THAP2: variants seen among roughly 807,000 people sequenced by gnomAD.
THAP2 encodes the protein THAP domain-containing protein 2.
THAP2 carries 16 observed loss-of-function variants against 18.8 expected under a neutral mutation model. That is an observed-to-expected ratio of 0.85 (90% CI 0.58 to 1.29). The LOEUF is 1.29. Ranked by LOEUF, THAP2 falls within the 50% of genes most tolerant of loss-of-function variation. The pLI is 0.00. For missense variants in THAP2, 251 were observed against 265.3 expected (o/e 0.95, Z 0.38); for synonymous variants, 80 against 89.2 (o/e 0.90, Z 0.58).
intron 1 of THAP2, among the ~76,000 whole-genome samples, chr12:71,669,973 ACTC>A (rs1881407485): frequency 6.6e-6 from 1 of 150,638 alleles, no homozygotes; most frequent in African/African-American, 2.5e-5. Flanking sequence ...AAAAAAAAAA[ACTC>A]TATTTTCTTG....
In THAP2 at chr12:71,677,044, A is replaced by G; in HGVS notation, c.623A>G (p.Gln208Arg). The G allele has an allele frequency of 1.9e-6, 3 of 1,612,902 alleles. No individual in the cohort carries two copies. The highest frequency in any genetic ancestry group is 2.5e-6 in the Non-Finnish European group (3 of 1,179,348). The change falls in exon 3 of 3, where the codon CAA becomes CGA. Residue 208 changes from glutamine (Q) to arginine (R), a missense_variant. Gln to Arg is a conservative substitution (Grantham distance 43). Coordinates refer to ENST00000308086, the MANE Select transcript of THAP2 (RefSeq NM_031435.4). The part of the protein sequence containing the change: ...LPLEDFKILE[Q>R]DQQDKTLLSL... ...TTGGAAGATTTTAAGATCCTTGAAC[A>G]AGATCAACAAGATAAAACACTGCTA... is the stretch of plus-strand genomic sequence containing the variant.
rs989297748 is a variant in THAP2 at position 71,664,428 on chromosome 12, T to C, written c.-82T>C. 1.1e-5 allele frequency: 18 copies of C among 1,567,720 alleles called. No homozygotes were observed. The African/African-American group carries it at 1.4e-4, about 12-fold the overall frequency. Reference sequence around the variant, plus strand: ...CACGATTAAGGCACGCCTGCCTCGATTGTCCAGCCTCTGCCAGAAGAAAGC... The same window carrying C: ...CACGATTAAGGCACGCCTGCCTCGACTGTCCAGCCTCTGCCAGAAGAAAGC... On this transcript the variant is annotated 5_prime_UTR_variant, in exon 1 of 3. Transcript: ENST00000308086.
chr12:71,665,433 A>G (rs1312495015), intron 1 of THAP2: 1 of 155,456 alleles, frequency 6.4e-6, no homozygotes, highest in Non-Finnish European at 1.4e-5. Context: ...CTGCCACTTA[A>G]AAAAAATCTT....
intron 1 of THAP2, 145 bp downstream of exon 1, chr12:71,664,725 CA>C: frequency 1.1e-6 from 1 of 898,092 alleles, no homozygotes; most frequent in Non-Finnish European, 1.8e-6. Flanking sequence ...TTGTGTTTCT[CA>C]AATCTGCCCA....
intron 1 of THAP2, among the ~76,000 whole-genome samples, chr12:71,665,968 A>G (rs1345736981): frequency 6.6e-6 from 1 of 152,220 alleles, no homozygotes; most frequent in African/African-American, 2.4e-5. Flanking sequence ...TACAATGTCA[A>G]CTAAACTAAA....
chr12:71,674,181 G>A (rs375915556), intron 1 of THAP2, 22 bp from the exon 2 acceptor site: 1 of 1,481,140 alleles, frequency 6.8e-7, no homozygotes, highest in African/African-American at 1.8e-5. Flanking sequence ...TGGAATTTGA[G>A]TTGCATTTTT....
chr12:71,679,198 C>T lies in THAP2; in HGVS notation c.*2090C>T, dbSNP rs1034179874. On this transcript the variant is annotated 3_prime_UTR_variant, in exon 3 of 3. Transcript: ENST00000308086. ...CATAAAAATAAAATATTGTAAAATA[C>T]AACAAATTTTGGACAAGGTTACTTC... The T allele has an allele frequency of 6.6e-6, 1 of 151,980 alleles. No individual in the cohort carries two copies. Among genetic ancestry groups the T allele is most frequent in the African/African-American group, 2.4e-5 (1 of 41,388 alleles). 9.4% of individuals were successfully genotyped at this position (151,980 alleles called of 1,614,324 possible).
At chr12:71,674,506 T>C (rs1330643800) in intron 2 of THAP2, 108 bp downstream of exon 2, 3 of 1,042,934 alleles carry the variant, frequency 2.9e-6, no homozygotes, top group Non-Finnish European at 4.0e-6. Context: ...CTCAAAAAAG[T>C]TGCAGACCTT....
intron 1 of THAP2, among the ~76,000 whole-genome samples, chr12:71,670,968 A>G (rs536776294): frequency 6.6e-6 from 1 of 151,624 alleles, no homozygotes; most frequent in African/African-American, 2.4e-5. Context: ...AAGAGAAAAT[A>G]TATTTACTAT....
Position 71,676,911 on chromosome 12 carries a change from C to T in THAP2, c.490C>T (p.Arg164Ter), listed in dbSNP as rs554242693. Residue 164 changes from arginine to a stop codon, truncating the protein, a stop_gained, in exon 3 of 3, where the codon CGA (arginine) becomes TGA (stop). Coordinates refer to ENST00000308086, the MANE Select transcript of THAP2 (RefSeq NM_031435.4). LOFTEE classifies it high-confidence loss of function. Reference protein sequence around the residue: ...TCLQKERRATRRWIKATCLVK... With the variant: ...TCLQKERRAT ...CCTACAAAAGGAACGCAGAGCAACT[C>T]GAAGATGGATCAAAGCCACGTGTTT... The T allele has an allele frequency of 5.6e-6, 9 of 1,613,646 alleles. No individual in the cohort carries two copies. The African/African-American group carries it at 6.7e-5, about 12-fold the overall frequency.
chr12:71,675,949 G>T (rs1246948207), intron 2 of THAP2, among the ~76,000 whole-genome samples: 1 of 152,000 alleles, frequency 6.6e-6, no homozygotes, highest in African/African-American at 2.4e-5. Context: ...ATATGATACG[G>T]GCCCAGTGTA....
Position 71,678,283 on chromosome 12 carries a change from A to G in THAP2, c.*1175A>G, listed in dbSNP as rs1881551174. 1 of 152,740 alleles carries G rather than the reference A, an allele frequency of 6.5e-6. No homozygotes were observed. The highest frequency in any genetic ancestry group is 1.9e-4 in the East Asian group (1 of 5,190). 9.5% of individuals were successfully genotyped at this position (152,740 alleles called of 1,614,324 possible). ...GCACTCCAGCCTGGGCAATGGAGTG[A>G]GACTCCTGTCTCTAAAACAGCAACA... On this transcript the variant is annotated 3_prime_UTR_variant, in exon 3 of 3. Coordinates refer to ENST00000308086, the MANE Select transcript of THAP2 (RefSeq NM_031435.4).
chr12:71,668,326 GTAGT>G (rs1881377783), intron 1 of THAP2, among the ~76,000 whole-genome samples: 1 of 152,122 alleles, frequency 6.6e-6, no homozygotes, highest in South Asian at 2.1e-4. Flanking sequence ...ATCGACACTT[GTAGT>G]TACTTTTATT....
chr12:71,668,623 C>T (rs1378197286), intron 1 of THAP2, among the ~76,000 whole-genome samples: 4 of 152,170 alleles, frequency 2.6e-5, no homozygotes, highest in Non-Finnish European at 4.4e-5. Flanking sequence ...TTACAGTATA[C>T]GCTCATGGAA....
At chr12:71,668,996 C>T (rs1019876212) in intron 1 of THAP2, among the ~76,000 whole-genome samples, 9 of 152,172 alleles carry the variant, frequency 5.9e-5, no homozygotes, top group Non-Finnish European at 1.3e-4. Flanking sequence ...AAACATTACA[C>T]CAAAATTAAG....
Position 71,677,103 on chromosome 12 carries a change from A to T in THAP2, c.682A>T (p.Ile228Phe), listed in dbSNP as rs1288222902. The T allele has an allele frequency of 6.3e-7, 1 of 1,578,996 alleles. No homozygotes were observed. Among genetic ancestry groups the T allele is most frequent in the Non-Finnish European group, 8.6e-7 (1 of 1,162,330 alleles). ...TCTAAAACAGACCAAGAGTACCTTC[A>T]TTTAAATTTAGCTTGCACAGAGCTT... ...LNLKQTKSTF[I>F] is the part of the protein sequence containing the mutation. The change falls in exon 3 of 3, where the codon ATT becomes TTT. Residue 228 changes from isoleucine (I) to phenylalanine (F), a missense_variant. Transcript: ENST00000308086.
chr12:71,677,364 GTTT>G lies in THAP2; in HGVS notation c.*259_*261del. On this transcript the variant is annotated 3_prime_UTR_variant, in exon 3 of 3. Coordinates refer to ENST00000308086, the MANE Select transcript of THAP2 (RefSeq NM_031435.4). ...ATTGTGTGTTTGAAAGGTGTTTTTT[GTTT>G]TTGTCTTTTTAAACTACTGTTAAAA... The G allele has an allele frequency of 3.8e-6, 1 of 260,536 alleles. No homozygotes were observed. Among genetic ancestry groups the G allele is most frequent in the Admixed American group, 5.0e-5 (1 of 20,000 alleles). 16.1% of individuals were successfully genotyped at this position (260,536 alleles called of 1,614,324 possible).
intron 1 of THAP2, chr12:71,665,043 C>T: frequency 2.9e-6 from 2 of 697,282 alleles, no homozygotes; most frequent in Non-Finnish European, 5.2e-6. Context: ...GGAATTGAGT[C>T]ATCTTTGATA....
chr12:71,673,659 T>A (rs1056148822), intron 1 of THAP2, among the ~76,000 whole-genome samples: 1 of 152,090 alleles, frequency 6.6e-6, no homozygotes, highest in Admixed American at 6.5e-5. Flanking sequence ...TAACAAGATA[T>A]AATGATCCCT....
Sources: allele counts gnomAD v4.1 joint callset (sites outside exome capture counted in the v4.1 genomes callset), GRCh38; gene constraint gnomAD v4.1.1; transcripts MANE v1.5; gene names NCBI Gene and HGNC (gene_info 2026-07-23, HGNC 2026-07-21).